THSD7A: variants seen among roughly 807,000 people sequenced by gnomAD.
The protein encoded by THSD7A is thrombospondin type-1 domain-containing protein 7A.
THSD7A carries 96 observed loss-of-function variants against 231.3 expected under a neutral mutation model. The observed-to-expected ratio is 0.41, with a 90% CI of 0.35 to 0.49. The LOEUF is 0.49. Among genes scored for constraint, THSD7A ranks in the 20% least tolerant of loss-of-function variants. The pLI, the probability that THSD7A is intolerant of heterozygous loss-of-function variation, is 0.05. For synonymous variants in THSD7A, 940 were observed against 743.3 expected (o/e 1.26, Z -4.30); for missense variants, 2,290 against 2,070.2 (o/e 1.11, Z -2.06).
intron 1 of THSD7A, among the ~76,000 whole-genome samples, chr7:11,716,385 G>C (rs1781138416): frequency 6.6e-6 from 1 of 151,558 alleles, no homozygotes; most frequent in Non-Finnish European, 1.5e-5. Context: ...ACAATGTAGG[G>C]ATTCAAGGAC....
rs369994604 is a variant in THSD7A at position 11,636,491 on chromosome 7, C to T, written c.661G>A (p.Val221Met). 28 of 1,613,698 alleles carry T rather than the reference C, an allele frequency of 1.7e-5. No individual in the cohort carries two copies. The African/African-American group carries it at 3.6e-4, about 21-fold the overall frequency. ...CCTCCGAACTGCGGGGGCGCCACCACATGACGCGTCCGGTGCTGGAGCCCG... is the reference window on the plus strand; with the variant it reads ...CCTCCGAACTGCGGGGGCGCCACCATATGACGCGTCCGGTGCTGGAGCCCG... ...GSGLQHRTRH[V>M]VAPPQFGGSG... is the part of the protein sequence containing the mutation. Residue 221 changes from valine to methionine, a missense_variant, in exon 2 of 28, where the codon GTG becomes ATG. Physicochemically the swap from Val to Met is conservative, Grantham distance 21. Coordinates refer to ENST00000423059, the MANE Select transcript of THSD7A (RefSeq NM_015204.3). The surrounding 1 kb of genome is among the most constrained non-coding windows in gnomAD (Gnocchi z 10.0).
intron 4 of THSD7A, among the ~76,000 whole-genome samples, chr7:11,566,207 C>T (rs1013359002): frequency 3.3e-5 from 5 of 152,212 alleles, no homozygotes; most frequent in African/African-American, 1.2e-4. Context: ...GTGTCCCAGT[C>T]TGTGATGCAT....
At position 11,407,039 on chromosome 7, in the gene THSD7A, T is replaced by A. The variant is rs746784590; in HGVS notation, c.3933A>T (p.Arg1311Ser). Residue 1311 changes from arginine (R) to serine (S), a missense_variant, in exon 21 of 28, where the codon AGA becomes AGT. Transcript: ENST00000423059. ...TCGLTGKMIRRRTVTQPFQGD... is the reference protein window; with the variant it reads ...TCGLTGKMIRSRTVTQPFQGD... ...CTTGAAAGGGCTGGGTCACTGTTCG[T>A]CTTCGGATCATTTTTCCTTGAAGAG... 4.3e-6 allele frequency: 7 copies of A among 1,613,654 alleles called. No individual in the cohort carries two copies. In the South Asian group the frequency reaches 5.5e-5, roughly 13 times the overall value.
At chr7:11,743,682 T>C (rs1225922059) in intron 1 of THSD7A, among the ~76,000 whole-genome samples, 1 of 143,942 alleles carries the variant, frequency 6.9e-6, no homozygotes, top group East Asian at 2.0e-4. Context: ...ACTTATTAAC[T>C]CCAGGACAAT....
Position 11,762,284 on chromosome 7 carries a change from T to C in THSD7A, c.190+69473A>G, listed in dbSNP as rs1173844744. 2.6e-5 allele frequency among the ~76,000 whole-genome samples: 4 copies of C among 152,266 alleles called. No individual in the cohort carries two copies. In the South Asian group the frequency reaches 6.2e-4, roughly 24 times the overall value. ...GTGGGATTGCTAGGTTGAATGGTAA[T>C]GATATTGTTAGTTATTTGAGACACC... On this transcript the variant is annotated intron_variant, in intron 1 of 27. Coordinates refer to ENST00000423059, the MANE Select transcript of THSD7A (RefSeq NM_015204.3).
chr7:11,515,487 A>C (rs552146726), intron 6 of THSD7A, among the ~76,000 whole-genome samples: 1 of 152,158 alleles, frequency 6.6e-6, no homozygotes, highest in African/African-American at 2.4e-5. Flanking sequence ...AGTGCCATAA[A>C]TAAGCACAAT....
chr7:11,761,635 G>C (rs1001764684), intron 1 of THSD7A, among the ~76,000 whole-genome samples: 2 of 152,042 alleles, frequency 1.3e-5, no homozygotes, highest in African/African-American at 4.8e-5. Context: ...ACCATCTATG[G>C]TTGCAAATAC....
At chr7:11,510,446 C>T (rs906612352) in intron 6 of THSD7A, among the ~76,000 whole-genome samples, 2 of 152,138 alleles carry the variant, frequency 1.3e-5, no homozygotes, top group African/African-American at 2.4e-5. Flanking sequence ...CATCCTGATA[C>T]CAAAGCCTGG....
chr7:11,439,186 TAATACCC>T (rs1583743140), intron 13 of THSD7A, among the ~76,000 whole-genome samples: 1 of 152,124 alleles, frequency 6.6e-6, no homozygotes, highest in East Asian at 1.9e-4. Flanking sequence ...CATTAAGACT[TAATACCC>T]AATGCATTAC....
intron 1 of THSD7A, among the ~76,000 whole-genome samples, chr7:11,764,897 G>T (rs992370299): frequency 6.6e-6 from 1 of 151,992 alleles, no homozygotes; most frequent in African/African-American, 2.4e-5. Context: ...ATTAGGATAT[G>T]GATTTTAAGA....
intron 6 of THSD7A, among the ~76,000 whole-genome samples, chr7:11,518,149 CTTGT>C (rs1216413281): frequency 2.0e-5 from 3 of 152,160 alleles, no homozygotes; most frequent in Non-Finnish European, 4.4e-5. Context: ...AATGTTAGTG[CTTGT>C]TTGTTAACCC....
At chr7:11,757,948 A>AT (rs909913019) in intron 1 of THSD7A, among the ~76,000 whole-genome samples, 3 of 149,692 alleles carry the variant, frequency 2.0e-5, no homozygotes, top group Non-Finnish European at 4.5e-5. Context: ...TGATTATAAA[A>AT]TTTTTTATTG....
intron 2 of THSD7A, among the ~76,000 whole-genome samples, chr7:11,595,929 T>C (rs911987317): frequency 1.3e-5 from 2 of 152,190 alleles, no homozygotes; most frequent in African/African-American, 4.8e-5. Context: ...AGCTCTGGCA[T>C]TGGTTAATTA....
chr7:11,771,558 C>A (rs1433671838), intron 1 of THSD7A, among the ~76,000 whole-genome samples: 1 of 151,188 alleles, frequency 6.6e-6, no homozygotes, highest in African/African-American at 2.4e-5. Flanking sequence ...TCAGCTATTG[C>A]TAAATTACTT....
intron 2 of THSD7A, among the ~76,000 whole-genome samples, chr7:11,615,697 C>T (rs1481073367): frequency 6.6e-6 from 1 of 152,066 alleles, no homozygotes; most frequent in Non-Finnish European, 1.5e-5. Flanking sequence ...AAGAGCACAA[C>T]CTTTTCTTTT....
chr7:11,791,819 T>C (rs1783959929), intron 1 of THSD7A, among the ~76,000 whole-genome samples: 1 of 151,856 alleles, frequency 6.6e-6, no homozygotes, highest in South Asian at 2.1e-4. Context: ...GTTGCTCCAT[T>C]TCCTTTCTTT....
At chr7:11,710,410 T>C (rs137902871) in intron 1 of THSD7A, among the ~76,000 whole-genome samples, 479 of 151,034 alleles carry the variant, frequency 3.2e-3, no homozygotes, top group Non-Finnish European at 3.6e-3. Context: ...TTCAATCCAC[T>C]CATCAAAGCT....
chr7:11,770,358 G>A (rs1016846316), intron 1 of THSD7A, among the ~76,000 whole-genome samples: 1 of 152,044 alleles, frequency 6.6e-6, no homozygotes, highest in Non-Finnish European at 1.5e-5. Flanking sequence ...CCATAATCTG[G>A]TTTAATCCTA....
chr7:11,462,287 T>G, intron 9 of THSD7A, 144 bp from the exon 10 acceptor site: 2 of 772,244 alleles, frequency 2.6e-6, no homozygotes, highest in Non-Finnish European at 3.8e-6. Flanking sequence ...AAACATTCAC[T>G]AAATTCTCCC....
Sources: gnomAD v4.1 joint callset for allele counts (sites outside exome capture counted in the v4.1 genomes callset) on GRCh38, gnomAD v4.1.1 for gene constraint, Gnocchi (gnomAD v3.1) non-coding constraint, MANE v1.5 for transcripts, NCBI Gene and HGNC (gene_info 2026-07-23, HGNC 2026-07-21) for gene names.